TENT4B: variants seen among roughly 807,000 people sequenced by gnomAD.
The protein encoded by TENT4B is terminal nucleotidyltransferase 4B.
Under a neutral mutation model 75.0 loss-of-function variants are expected in TENT4B, and 10 were observed. That is an observed-to-expected ratio of 0.13 (90% CI 0.08 to 0.23). The LOEUF is 0.23. TENT4B is among the 10% of genes least tolerant of loss of function. The pLI is 1.00. For missense variants in TENT4B, 579 were observed against 893.8 expected (o/e 0.65, Z 4.49); for synonymous variants, 350 against 357.7 (o/e 0.98, Z 0.24).
chr16:50,186,168 C>T (rs983057463), intron 1 of TENT4B, among the ~76,000 whole-genome samples: 1 of 152,008 alleles, frequency 6.6e-6, no homozygotes, highest in Non-Finnish European at 1.5e-5. Flanking sequence ...TTTTCATCAT[C>T]CTAAACAGAA....
intron 1 of TENT4B, among the ~76,000 whole-genome samples, chr16:50,179,356 C>A (rs958694046): frequency 6.6e-6 from 1 of 152,068 alleles, no homozygotes; most frequent in African/African-American, 2.4e-5. Flanking sequence ...AGCGCAACTC[C>A]GTCTCAAAAG....
At chr16:50,197,558 G>A (rs547641763) in intron 1 of TENT4B, among the ~76,000 whole-genome samples, 18 of 152,296 alleles carry the variant, frequency 1.2e-4, no homozygotes, top group Middle Eastern at 6.8e-3. Flanking sequence ...GAAAGTGCTG[G>A]GATTACAGGC....
Position 50,234,963 on chromosome 16 carries a change from G to A in TENT4B, c.*5635G>A, listed in dbSNP as rs1400060125. ...TGTTAAGAAATGTGGACTCCTGTGA[G>A]GTGCTGGAGGTTTGAATCATCTTGA... is the stretch of plus-strand genomic sequence containing the variant. On this transcript the variant is annotated 3_prime_UTR_variant, in exon 12 of 12. Transcript: ENST00000561678. 5 of 985,692 alleles carry A rather than the reference G, an allele frequency of 5.1e-6. No individual in the cohort carries two copies. Among genetic ancestry groups the A allele is most frequent in the Admixed American group, 6.1e-5 (1 of 16,268 alleles). 61.1% of individuals were successfully genotyped at this position (985,692 alleles called of 1,614,324 possible).
chr16:50,216,512 G>C (rs116419590), intron 4 of TENT4B, among the ~76,000 whole-genome samples: 1 of 152,054 alleles, frequency 6.6e-6, no homozygotes, highest in African/African-American at 2.4e-5. Flanking sequence ...GGGTTTCACC[G>C]TGTTACCCAG....
upstream of TENT4B, chr16:50,153,104 C>G: frequency 7.9e-7 from 1 of 1,259,722 alleles, no homozygotes; most frequent in South Asian, 1.8e-5. Flanking sequence ...CGCGCCGCGG[C>G]CTCTGTGACG....
At chr16:50,215,976 T>C in intron 3 of TENT4B, 99 bp from the exon 4 acceptor site, 1 of 1,440,094 alleles carries the variant, frequency 6.9e-7, no homozygotes, top group Non-Finnish European at 9.5e-7. Flanking sequence ...GGGTGGGAAA[T>C]AGGTTTTAAT....
At chr16:50,206,567 T>TG (rs2030981942) in intron 1 of TENT4B, among the ~76,000 whole-genome samples, 1 of 152,110 alleles carries the variant, frequency 6.6e-6, no homozygotes, top group Non-Finnish European at 1.5e-5. Context: ...ATGCTGTGTC[T>TG]GGGCAGGTAT....
intron 1 of TENT4B, among the ~76,000 whole-genome samples, chr16:50,182,186 G>A (rs9930372): frequency 0.02 from 3,072 of 152,188 alleles, 110 homozygotes; most frequent in African/African-American, 0.071. Flanking sequence ...AGGATCGCTT[G>A]AGCCTGGGAG....
intron 1 of TENT4B, among the ~76,000 whole-genome samples, chr16:50,166,779 AATT>A: frequency 1.4e-5 from 1 of 68,968 alleles, no homozygotes; most frequent in South Asian, 6.0e-4. Context: ...ATGCCTGGCT[AATT>A]TTTTTTTTTT....
chr16:50,203,381 C>G (rs568798895), intron 1 of TENT4B, among the ~76,000 whole-genome samples: 1 of 152,196 alleles, frequency 6.6e-6, no homozygotes, highest in African/African-American at 2.4e-5. Context: ...CCTATTTAGG[C>G]ATGGCCTTTT....
intron 2 of TENT4B, among the ~76,000 whole-genome samples, chr16:50,211,657 AT>A (rs951113974): frequency 1.1e-3 from 172 of 149,844 alleles, no homozygotes; most frequent in African/African-American, 3.7e-3. Flanking sequence ...ACTAACAACT[AT>A]TTTTTTTTTG....
intron 1 of TENT4B, among the ~76,000 whole-genome samples, chr16:50,173,288 G>A (rs2038241597): frequency 6.6e-6 from 1 of 152,054 alleles, no homozygotes. Context: ...TTGTATAGGT[G>A]TATGAGTTTA....
intron 5 of TENT4B, among the ~76,000 whole-genome samples, chr16:50,221,307 T>C (rs1221468869): frequency 6.6e-6 from 1 of 152,210 alleles, no homozygotes; most frequent in Admixed American, 6.5e-5. Flanking sequence ...CTGTTAAGAC[T>C]TCTTTGAAGA....
chr16:50,161,045 C>T (rs745607160), intron 1 of TENT4B, among the ~76,000 whole-genome samples: 41 of 152,310 alleles, frequency 2.7e-4, no homozygotes, highest in Admixed American at 1.3e-3. Flanking sequence ...CTAGAGTCTG[C>T]TGAGGAATTC....
At chr16:50,179,086 G>T (rs1479062231) in intron 1 of TENT4B, among the ~76,000 whole-genome samples, 3 of 152,180 alleles carry the variant, frequency 2.0e-5, no homozygotes, top group African/African-American at 7.2e-5. Flanking sequence ...ATTCCAGCCG[G>T]GTGCGGTGGC....
At chr16:50,207,683 A>G (rs1223232220) in intron 1 of TENT4B, among the ~76,000 whole-genome samples, 1 of 152,194 alleles carries the variant, frequency 6.6e-6, no homozygotes, top group East Asian at 1.9e-4. Flanking sequence ...CATAAATCAT[A>G]TTAAATTTTG....
chr16:50,153,126 C>T (rs2037793306), upstream of TENT4B: 7 of 967,080 alleles, frequency 7.2e-6, no homozygotes, highest in African/African-American at 1.8e-5. Flanking sequence ...ACGGCGAGGC[C>T]TCCCGGGCTG....
intron 1 of TENT4B, among the ~76,000 whole-genome samples, chr16:50,177,516 T>C (rs942306302): frequency 1.3e-5 from 2 of 152,216 alleles, no homozygotes; most frequent in African/African-American, 4.8e-5. Context: ...TTTGTGGGAT[T>C]AGAGTCCTTC....
At chr16:50,196,763 CA>C (rs5816681) in intron 1 of TENT4B, among the ~76,000 whole-genome samples, 99,432 of 138,682 alleles carry the variant, frequency 0.72, 34,981 homozygotes, top group Non-Finnish European at 0.76. Context: ...CCTGTCTCTA[CA>C]AAAAAAAAAA....
Sources: gnomAD v4.1 joint callset for allele counts (sites outside exome capture counted in the v4.1 genomes callset) on GRCh38, gnomAD v4.1.1 for gene constraint, MANE v1.5 for transcripts, NCBI Gene and HGNC (gene_info 2026-07-23, HGNC 2026-07-21) for gene names.